ADAM32: variants seen among roughly 807,000 people sequenced by gnomAD.
ADAM32 encodes ADAM metallopeptidase domain 32, also known as disintegrin and metalloproteinase domain-containing protein 32.
ADAM32 carries 89 observed loss-of-function variants against 114.9 expected under a neutral mutation model. That is an observed-to-expected ratio of 0.77 (90% CI 0.65 to 0.92). The LOEUF (loss-of-function observed/expected upper bound fraction) is 0.92. Among genes scored for constraint, ADAM32 ranks in the 40% least tolerant of loss-of-function variants. The probability of loss-of-function intolerance (pLI) is 0.00; values close to 1 mark genes in which losing one functional copy is unlikely to be tolerated. For synonymous variants in ADAM32, 285 were observed against 307.5 expected, an observed-to-expected ratio of 0.93 and a Z score of 0.77; for missense variants, 870 against 932.8, an observed-to-expected ratio of 0.93 and a Z score of 0.88.
chr8:39,191,813 G>T (rs1806632447), intron 11 of ADAM32, among the ~76,000 whole-genome samples: 1 of 152,112 alleles, frequency 6.6e-6, no homozygotes, highest in Non-Finnish European at 1.5e-5. Flanking sequence ...TCTTCATCAT[G>T]AAATGTTTCC....
At chr8:39,277,139 C>A (rs1813124901) in intron 22 of ADAM32, among the ~76,000 whole-genome samples, 1 of 152,170 alleles carries the variant, frequency 6.6e-6, no homozygotes, top group African/African-American at 2.4e-5. Context: ...TTCTTCTTCG[C>A]TCAATATATC....
chr8:39,275,883 G>T lies in ADAM32; in HGVS notation c.2279+17G>T. On this transcript the variant is annotated intron_variant, in intron 22 of 24. Transcript: ENST00000379907. Reference sequence around the variant, plus strand: ...TACTAGCAAGTAAGTGAATTAGGGGGCATTTTTTTTATATAATAAGTATAT... The same window carrying T: ...TACTAGCAAGTAAGTGAATTAGGGGTCATTTTTTTTATATAATAAGTATAT... 1 of 1,539,720 alleles carries T rather than the reference G, an allele frequency of 6.5e-7. No individual in the cohort carries two copies. The highest frequency in any genetic ancestry group is 8.7e-7 in the Non-Finnish European group (1 of 1,142,990).
chr8:39,159,737 C>T (rs565349930), intron 6 of ADAM32, among the ~76,000 whole-genome samples: 1 of 152,290 alleles, frequency 6.6e-6, no homozygotes, highest in Admixed American at 6.5e-5. Context: ...CAAAGGAAAG[C>T]TCTTGAGCAA....
intron 13 of ADAM32, 24 bp from the exon 14 acceptor site, chr8:39,223,016 T>A (rs765078884): frequency 6.6e-7 from 1 of 1,516,344 alleles, no homozygotes; most frequent in East Asian, 2.5e-5. Context: ...AATGCTTTAT[T>A]TTTTATGTTC....
intron 16 of ADAM32, among the ~76,000 whole-genome samples, chr8:39,235,904 T>A (rs1810103528): frequency 6.6e-6 from 1 of 152,184 alleles, no homozygotes; most frequent in South Asian, 2.1e-4. Flanking sequence ...CTGAAGAAGG[T>A]TATGCTGTGC....
chr8:39,278,095 G>A (rs1813201028), intron 22 of ADAM32, among the ~76,000 whole-genome samples: 1 of 152,202 alleles, frequency 6.6e-6, no homozygotes, highest in Admixed American at 6.5e-5. Context: ...GAGCTGAAAA[G>A]GGGATGGGCA....
rs369786532 is a variant in ADAM32 at position 39,194,169 on chromosome 8, TG to T, written c.1052+7129del. Among the ~76,000 whole-genome samples, 48 of 152,186 alleles carry T rather than the reference TG, an allele frequency of 3.2e-4. 2 individuals are homozygous for T. The East Asian group carries it at 8.5e-3, about 27-fold the overall frequency. ...ATTTGTGCTGGTGGTGGTGTTAGCA[TG>T]GGGGCACTGGTGGGTGCAGGACAGT... On this transcript the variant is annotated intron_variant, in intron 11 of 24. Coordinates refer to ENST00000379907, the MANE Select transcript of ADAM32 (RefSeq NM_145004.7).
chr8:39,279,793 T>G (rs142759805), intron 22 of ADAM32, among the ~76,000 whole-genome samples: 1 of 152,324 alleles, frequency 6.6e-6, no homozygotes, highest in East Asian at 1.9e-4. Context: ...GATGTGTGAA[T>G]TTTTGTTTTG....
At chr8:39,284,173 T>A (rs1813631105) in intron 24 of ADAM32, among the ~76,000 whole-genome samples, 1 of 152,252 alleles carries the variant, frequency 6.6e-6, no homozygotes, top group East Asian at 1.9e-4. Flanking sequence ...AAAGTTCTCT[T>A]AAGTTTATTG....
intron 2 of ADAM32, chr8:39,131,986 C>A: frequency 3.1e-6 from 1 of 322,320 alleles, no homozygotes; most frequent in East Asian, 1.5e-4. Flanking sequence ...CTCCGTCTCC[C>A]GGGTTCAAAC....
chr8:39,195,899 T>C (rs1160899873), intron 11 of ADAM32, among the ~76,000 whole-genome samples: 1 of 152,190 alleles, frequency 6.6e-6, no homozygotes, highest in Non-Finnish European at 1.5e-5. Context: ...TATTTTGTTA[T>C]GGATTTTGTT....
rs1169030849 is a variant in ADAM32, at chr8:39,107,760, G to GC, written c.-12dup. On this transcript the variant is annotated 5_prime_UTR_variant, in exon 1 of 25. Transcript: ENST00000379907. The stretch of plus-strand genomic sequence containing the variant: ...ACTTCCCAACGGCTTCCCGCTGGCA[G>GC]CCCCGAAGCCGCACCATGTTCCGCC... 11 of 1,550,220 alleles carry GC rather than the reference G, an allele frequency of 7.1e-6. No homozygotes were observed. Among genetic ancestry groups the GC allele is most frequent in the Non-Finnish European group, 9.6e-6 (11 of 1,146,648 alleles).
Position 39,151,536 on chromosome 8 carries a change from T to A in ADAM32, c.513T>A (p.Phe171Leu), listed in dbSNP as rs745643524. The change falls in exon 6 of 25, where the codon TTT becomes TTA. Residue 171 changes from phenylalanine to leucine, a missense_variant. Transcript: ENST00000379907. ...AACAACCAATGGATGACAACATTTT[T>A]ATAAGTGAAAAAGTGAGTTGTATAT... The part of the protein sequence containing the change: ...LKEQPMDDNI[F>L]ISEKSEPAVP... 22 of 1,566,504 alleles carry A rather than the reference T, an allele frequency of 1.4e-5. No individual in the cohort carries two copies. The highest frequency in any genetic ancestry group is 3.4e-6 in the Non-Finnish European group (4 of 1,162,376).
intron 20 of ADAM32, among the ~76,000 whole-genome samples, chr8:39,271,220 TA>T (rs746650965): frequency 5.3e-5 from 8 of 152,274 alleles, no homozygotes; most frequent in Middle Eastern, 3.4e-3. Context: ...CAGCTTGTGT[TA>T]TAGAGGCACG....
chr8:39,179,490 A>G (rs1805719039), intron 10 of ADAM32, among the ~76,000 whole-genome samples: 1 of 152,158 alleles, frequency 6.6e-6, no homozygotes, highest in Non-Finnish European at 1.5e-5. Flanking sequence ...TAGGGTATTC[A>G]AAACTCCTGG....
At chr8:39,197,830 A>G (rs1416101427) in intron 11 of ADAM32, among the ~76,000 whole-genome samples, 2 of 152,214 alleles carry the variant, frequency 1.3e-5, no homozygotes, top group East Asian at 3.9e-4. Flanking sequence ...TGTTAGGTTT[A>G]TTTGCTTGAT....
intron 10 of ADAM32, among the ~76,000 whole-genome samples, chr8:39,183,374 G>A (rs942806529): frequency 2.0e-5 from 3 of 152,176 alleles, no homozygotes; most frequent in African/African-American, 7.2e-5. Context: ...GAAGTTAAAT[G>A]TCTGCCTCTA....
chr8:39,131,499 C>T (rs1802453095), intron 2 of ADAM32, among the ~76,000 whole-genome samples: 1 of 152,114 alleles, frequency 6.6e-6, no homozygotes, highest in South Asian at 2.1e-4. Flanking sequence ...TAGTTTCATT[C>T]AAAGATTTTT....
At chr8:39,275,561 A>G (rs1327172023) in intron 21 of ADAM32, among the ~76,000 whole-genome samples, 2 of 152,258 alleles carry the variant, frequency 1.3e-5, no homozygotes, top group Admixed American at 1.3e-4. Flanking sequence ...TGTGCTAGAA[A>G]GTGAAAGGAG....
Sources: gnomAD v4.1 joint callset for allele counts (sites outside exome capture counted in the v4.1 genomes callset) on GRCh38, gnomAD v4.1.1 for gene constraint, MANE v1.5 for transcripts, NCBI Gene and HGNC (gene_info 2026-07-23, HGNC 2026-07-21) for gene names.